The following NR1H4 variants were observed in gnomAD, a reference collection of about 807,000 sequenced individuals.
The protein encoded by NR1H4 is nuclear receptor subfamily 1 group H member 4.
NR1H4 carries 23 observed loss-of-function variants against 58.5 expected under a neutral mutation model. The ratio of observed to expected loss-of-function variants is 0.39; its 90% CI spans 0.28 to 0.56. The LOEUF (loss-of-function observed/expected upper bound fraction) is 0.56, where lower values mean the gene tolerates loss of function less well. Ranked by LOEUF, NR1H4 falls within the 20% of genes least tolerant of loss-of-function variation. The pLI, the probability that NR1H4 is intolerant of heterozygous loss-of-function variation, is 0.58. For synonymous variants in NR1H4, 214 were observed against 198.0 expected (o/e 1.08, Z -0.68); for missense variants, 487 against 576.9 (o/e 0.84, Z 1.60).
intron 4 of NR1H4, among the ~76,000 whole-genome samples, chr12:100,513,616 G>A (rs758699235): frequency 7.2e-5 from 11 of 152,122 alleles, no homozygotes; most frequent in Non-Finnish European, 1.2e-4. Flanking sequence ...CCAACATGGT[G>A]AAACCCCATC....
At chr12:100,491,848 C>T (rs1407133925) in intron 1 of NR1H4, among the ~76,000 whole-genome samples, 10 of 152,010 alleles carry the variant, frequency 6.6e-5, no homozygotes, top group Admixed American at 2.0e-4. Flanking sequence ...GCTCTAGTAT[C>T]GCCCATCTTT....
chr12:100,513,762 T>C (rs1954185597), intron 4 of NR1H4, among the ~76,000 whole-genome samples: 1 of 147,676 alleles, frequency 6.8e-6, no homozygotes, highest in African/African-American at 2.5e-5. Context: ...GCCATTGCAC[T>C]CCATCCTGGA....
chr12:100,489,289 T>A (rs1397208608), intron 1 of NR1H4, among the ~76,000 whole-genome samples: 1 of 152,204 alleles, frequency 6.6e-6, no homozygotes, highest in East Asian at 1.9e-4. Context: ...TTTGAATCCC[T>A]TCTGTTCTTT....
chr12:100,562,360 A>T (rs2136328700), intron 10 of NR1H4, among the ~76,000 whole-genome samples: 2 of 152,348 alleles, frequency 1.3e-5, no homozygotes, highest in East Asian at 3.9e-4. Flanking sequence ...GCTACAAAAA[A>T]TATAATGAGA....
chr12:100,481,590 A>G (rs1953381583), intron 1 of NR1H4, among the ~76,000 whole-genome samples: 1 of 151,982 alleles, frequency 6.6e-6, no homozygotes, highest in South Asian at 2.1e-4. Context: ...CCTGGGCAAC[A>G]TGGTGAAATC....
At chr12:100,500,078 G>C (rs1953800157) in intron 3 of NR1H4, 2 of 390,148 alleles carry the variant, frequency 5.1e-6, no homozygotes, top group Admixed American at 6.0e-5. Context: ...ATTTAGTGAT[G>C]TTAAATAATC....
Position 100,511,053 on chromosome 12 carries a change from G to T in NR1H4, c.355G>T (p.Gly119Trp). Residue 119 changes from glycine to tryptophan, a missense_variant, in exon 4 of 11, where the codon GGG becomes TGG. Gly to Trp is a radical substitution (Grantham distance 184, BLOSUM62 -2). Transcript: ENST00000392986. ...TKKPRMGASAGRIKGDELCVV... is the reference protein window; with the variant it reads ...TKKPRMGASAWRIKGDELCVV... ...GAAGCCCCGCATGGGCGCGTCAGCA[G>T]GGAGGATCAAAGGGGATGAGCTGTG... is the stretch of plus-strand genomic sequence containing the variant. 1.2e-6 allele frequency: 2 copies of T among 1,614,266 alleles called. No homozygotes were observed. The highest frequency in any genetic ancestry group is 1.7e-6 in the Non-Finnish European group (2 of 1,180,054).
chr12:100,510,839 G>A lies in NR1H4; in HGVS notation c.141G>A (p.Ser47=), dbSNP rs148156024. 8.7e-6 allele frequency: 14 copies of A among 1,613,872 alleles called. No individual in the cohort carries two copies. Among genetic ancestry groups the A allele is most frequent in the Middle Eastern group, 1.6e-4 (1 of 6,084 alleles). The change falls in exon 4 of 11, where the codon TCG becomes TCA. Residue 47 remains serine, a synonymous_variant. Coordinates refer to ENST00000392986, the MANE Select transcript of NR1H4 (RefSeq NM_001206979.2). ...LGQNLEVEPY[S]QYSNVQFPQV... ...AGAACCTGGAAGTGGAACCATACTC[G>A]CAATACAGCAATGTTCAGTTTCCCC...
chr12:100,493,642 G>T (rs1483790599), intron 3 of NR1H4, among the ~76,000 whole-genome samples: 2 of 152,210 alleles, frequency 1.3e-5, no homozygotes, highest in East Asian at 3.8e-4. Flanking sequence ...ATTGCTCAAG[G>T]CCGCGAGGCT....
intron 9 of NR1H4, among the ~76,000 whole-genome samples, chr12:100,552,364 T>C (rs1175481846): frequency 6.6e-6 from 1 of 152,190 alleles, no homozygotes; most frequent in African/African-American, 2.4e-5. Context: ...TGATGGCAGC[T>C]GTTTACTTAG....
In NR1H4 at chr12:100,476,631, G is replaced by T. The variant is rs1420739241; in HGVS notation, c.-190+2572G>T. ...GGTGGGTGCATAAAGGACAGAAAAG[G>T]TTCTTTACTTCATAGAAAGAGATTT... On this transcript the variant is annotated intron_variant, in intron 1 of 10. Coordinates refer to ENST00000392986, the MANE Select transcript of NR1H4 (RefSeq NM_001206979.2). 3.9e-5 allele frequency among the ~76,000 whole-genome samples: 6 copies of T among 152,160 alleles called. No individual in the cohort carries two copies. The East Asian group carries it at 5.8e-4, about 15-fold the overall frequency.
At chr12:100,562,320 G>T (rs887158765) in intron 10 of NR1H4, among the ~76,000 whole-genome samples, 14 of 152,024 alleles carry the variant, frequency 9.2e-5, no homozygotes, top group African/African-American at 3.4e-4. Context: ...AATAAATGAA[G>T]AAACAATATT....
chr12:100,498,800 G>A (rs576017280), intron 3 of NR1H4, among the ~76,000 whole-genome samples: 1 of 152,220 alleles, frequency 6.6e-6, no homozygotes, highest in African/African-American at 2.4e-5. Flanking sequence ...TCTGATTGAG[G>A]CCTAGCAAGT....
chr12:100,533,005 A>G lies in NR1H4; in HGVS notation c.598+395A>G, dbSNP rs182410960. On this transcript the variant is annotated intron_variant, in intron 5 of 10. Transcript: ENST00000392986. ...TTGTGGAAAAAAATGAGAATGCTTT[A>G]TAAGGTATAACTGCCTCTGAATTGT... 2.0e-4 allele frequency among the ~76,000 whole-genome samples: 31 copies of G among 152,344 alleles called. 1 individual carries two copies. In the East Asian group the frequency reaches 2.5e-3, roughly 12 times the overall value.
intron 4 of NR1H4, among the ~76,000 whole-genome samples, chr12:100,526,027 A>G (rs1284452671): frequency 6.6e-6 from 1 of 151,866 alleles, no homozygotes; most frequent in Non-Finnish European, 1.5e-5. Flanking sequence ...TTTCTTGGTT[A>G]GCCTTGCTGG....
At chr12:100,503,810 A>G (rs1254759368) in intron 3 of NR1H4, among the ~76,000 whole-genome samples, 2 of 152,190 alleles carry the variant, frequency 1.3e-5, no homozygotes, top group African/African-American at 4.8e-5. Context: ...ACTTGAAAAA[A>G]CATTTTAACA....
chr12:100,513,588 A>G (rs1029101659), intron 4 of NR1H4, among the ~76,000 whole-genome samples: 1 of 152,160 alleles, frequency 6.6e-6, no homozygotes, highest in African/African-American at 2.4e-5. Context: ...TAAGGTCAGG[A>G]GTTCAAGACC....
chr12:100,487,340 TA>T (rs1356440884), intron 1 of NR1H4, among the ~76,000 whole-genome samples: 4 of 152,152 alleles, frequency 2.6e-5, no homozygotes, highest in Admixed American at 2.0e-4. Flanking sequence ...AGCTTAAAAA[TA>T]AATTTTAATA....
intron 4 of NR1H4, among the ~76,000 whole-genome samples, chr12:100,523,927 T>C (rs901980261): frequency 3.3e-5 from 5 of 151,842 alleles, no homozygotes; most frequent in Admixed American, 3.3e-4. Flanking sequence ...TCAGCTAAAA[T>C]AGACAAAAAG....
Sources: allele counts gnomAD v4.1 joint callset (sites outside exome capture counted in the v4.1 genomes callset), GRCh38; gene constraint gnomAD v4.1.1; transcripts MANE v1.5; gene names NCBI Gene and HGNC (gene_info 2026-07-23, HGNC 2026-07-21).